Variants in MAPK10 observed in about 807,000 individuals in gnomAD.
MAPK10 encodes the protein mitogen-activated protein kinase 10.
MAPK10 carries 25 observed loss-of-function variants against 59.3 expected under a neutral mutation model. The ratio of observed to expected loss-of-function variants is 0.42; its 90% confidence interval spans 0.31 to 0.59. The LOEUF (loss-of-function observed/expected upper bound fraction) is 0.59, where lower values mean the gene tolerates loss of function less well. MAPK10 is among the 20% of genes least tolerant of loss of function. The probability of loss-of-function intolerance (pLI) is 0.15; values close to 1 mark genes in which losing one functional copy is unlikely to be tolerated. For missense variants in MAPK10, 351 were observed against 568.9 expected (o/e 0.62, Z 3.90); for synonymous variants, 190 against 200.5 (o/e 0.95, Z 0.44).
At chr4:86,354,791 T>G in intron 1 of MAPK10, 147 bp from the exon 2 acceptor site, 1 of 388,650 alleles carries the variant, frequency 2.6e-6, no homozygotes. Flanking sequence ...TAATTATCTC[T>G]ATTCATCATT....
chr4:86,042,228 A>G (rs1270719827), intron 11 of MAPK10, among the ~76,000 whole-genome samples: 1 of 152,224 alleles, frequency 6.6e-6, no homozygotes, highest in Non-Finnish European at 1.5e-5. Flanking sequence ...CAGGAACAAA[A>G]AACCAAACAC....
intron 2 of MAPK10, among the ~76,000 whole-genome samples, chr4:86,324,502 A>C (rs1255219092): frequency 3.3e-5 from 5 of 152,198 alleles, no homozygotes; most frequent in Non-Finnish European, 7.3e-5. Flanking sequence ...GTGTCCAATA[A>C]AAAAGGCAGC....
rs770173144 is a variant in MAPK10, at chr4:86,029,219, T to C, written c.1230A>G (p.Val410=). ...TACCTGAAGGAGAAGGCTGTCCTTTTACTACACCATTTTTAGTCTTTTCTT... is the reference window on the plus strand; with the variant it reads ...TACCTGAAGGAGAAGGCTGTCCTTTCACTACACCATTTTTAGTCTTTTCTT... ...NSEEKTKNGV[V]KGQPSPSGAA... Residue 410 remains valine, a synonymous_variant, in exon 13 of 14, where the codon GTA becomes GTG. Transcript: ENST00000641462. 1.2e-6 allele frequency: 2 copies of C among 1,610,476 alleles called. No individual in the cohort carries two copies. Among genetic ancestry groups the C allele is most frequent in the Non-Finnish European group, 1.7e-6 (2 of 1,177,124 alleles).
chr4:86,514,797 C>G (rs753697010), intron 1 of MAPK10, among the ~76,000 whole-genome samples: 1 of 152,254 alleles, frequency 6.6e-6, no homozygotes, highest in Non-Finnish European at 1.5e-5. Flanking sequence ...TTGTGTAATT[C>G]ATACTAAGTG....
chr4:86,349,300 T>C (rs763435113), intron 2 of MAPK10, among the ~76,000 whole-genome samples: 5 of 152,240 alleles, frequency 3.3e-5, no homozygotes, highest in Non-Finnish European at 5.9e-5. Context: ...TTTGTCTCTA[T>C]GGAAGTCTCT....
At chr4:86,457,830 A>C (rs999558253), upstream of MAPK10, 2 of 152,146 alleles carry the variant, frequency 1.3e-5, no homozygotes, top group African/African-American at 2.4e-5. Flanking sequence ...ATACGGAACC[A>C]AAAAAGAGCC....
chr4:86,362,209 C>T (rs887301596), upstream of MAPK10, among the ~76,000 whole-genome samples: 3 of 151,944 alleles, frequency 2.0e-5, no homozygotes, highest in Non-Finnish European at 4.4e-5. Flanking sequence ...AGTGAATGTC[C>T]AGTAACGTAA....
chr4:86,423,668 T>G (rs1746823459), intron 1 of MAPK10, among the ~76,000 whole-genome samples: 1 of 150,974 alleles, frequency 6.6e-6, no homozygotes, highest in Admixed American at 6.6e-5. Context: ...AGGAATAGCA[T>G]GAGAATGGTG....
At chr4:86,134,844 G>A (rs62305526) in intron 4 of MAPK10, among the ~76,000 whole-genome samples, 16,121 of 152,086 alleles carry the variant, frequency 0.11, 1,166 homozygotes, top group Non-Finnish European at 0.15. Flanking sequence ...TGCACGAGCC[G>A]AAGCAGGGCG....
intron 2 of MAPK10, among the ~76,000 whole-genome samples, chr4:86,218,645 G>A: frequency 6.7e-6 from 1 of 149,600 alleles, no homozygotes; most frequent in East Asian, 2.0e-4. Context: ...TGAACAAGTA[G>A]TATCATTGCT....
chr4:86,578,166 G>A (rs1033729954), intron 1 of MAPK10, among the ~76,000 whole-genome samples: 4 of 152,138 alleles, frequency 2.6e-5, no homozygotes, highest in African/African-American at 9.7e-5. Flanking sequence ...GCAATACCTA[G>A]AGACATTTTT....
intron 1 of MAPK10, among the ~76,000 whole-genome samples, chr4:86,449,534 T>C (rs566154675): frequency 2.4e-5 from 2 of 84,130 alleles, no homozygotes; most frequent in South Asian, 6.0e-4. Flanking sequence ...TCAACTTCAA[T>C]GTGATACATG....
In MAPK10 at chr4:86,068,848, TG is replaced by T. The variant is rs1266661020; in HGVS notation, c.803-894del. Among the ~76,000 whole-genome samples the T allele has an allele frequency of 9.2e-5, 14 of 152,286 alleles. No homozygotes were observed. The South Asian group carries it at 2.3e-3, about 25-fold the overall frequency. On this transcript the variant is annotated intron_variant, in intron 9 of 13. Coordinates refer to ENST00000641462, the MANE Select transcript of MAPK10 (RefSeq NM_138982.4). ...ATTCGATATATCAGAGCCTTGATAATGATAAACACCATCTACTCTGAAGAAC... is the reference window on the plus strand; with the variant it reads ...ATTCGATATATCAGAGCCTTGATAATATAAACACCATCTACTCTGAAGAAC...
chr4:86,410,739 G>A (rs977698871), intron 1 of MAPK10, among the ~76,000 whole-genome samples: 4 of 152,048 alleles, frequency 2.6e-5, no homozygotes, highest in East Asian at 3.9e-4. Flanking sequence ...CTGTGGGATC[G>A]GTGGTGATAT....
chr4:86,576,645 G>T (rs1486745834), intron 1 of MAPK10, among the ~76,000 whole-genome samples: 3 of 151,958 alleles, frequency 2.0e-5, no homozygotes, highest in Non-Finnish European at 2.9e-5. Flanking sequence ...GCGGTGGCGG[G>T]TGCCTGTAGT....
intron 1 of MAPK10, among the ~76,000 whole-genome samples, chr4:86,447,605 T>C (rs1750192033): frequency 6.6e-6 from 1 of 152,160 alleles, no homozygotes; most frequent in African/African-American, 2.4e-5. Flanking sequence ...ATCTTCCTCC[T>C]TCCTCCTTCC....
intron 1 of MAPK10, chr4:86,542,436 A>G (rs1435572335): frequency 6.6e-6 from 1 of 152,566 alleles, no homozygotes; most frequent in Non-Finnish European, 1.5e-5. Flanking sequence ...CTAGCTGGAC[A>G]CAGTGGTGTG....
chr4:86,314,042 G>A (rs1043575993), intron 2 of MAPK10, among the ~76,000 whole-genome samples: 2 of 152,094 alleles, frequency 1.3e-5, no homozygotes, highest in African/African-American at 4.8e-5. Flanking sequence ...CAGCATGGAT[G>A]GACTTTACAG....
At chr4:86,069,508 T>G (rs2047376455) in intron 9 of MAPK10, among the ~76,000 whole-genome samples, 1 of 152,016 alleles carries the variant, frequency 6.6e-6, no homozygotes, top group Admixed American at 6.6e-5. Flanking sequence ...ACTAAAACAT[T>G]ATATAAGGTT....
Sources: allele counts gnomAD v4.1 joint callset (sites outside exome capture counted in the v4.1 genomes callset), GRCh38; gene constraint gnomAD v4.1.1; transcripts MANE v1.5; gene names NCBI Gene and HGNC (gene_info 2026-07-23, HGNC 2026-07-21).